Variants in PRR16 observed in about 807,000 individuals in gnomAD.
PRR16 encodes protein Largen.
In PRR16, 6 loss-of-function variants were observed where a neutral mutation model predicts 18.2. The ratio of observed to expected loss-of-function variants is 0.33; its 90% CI spans 0.18 to 0.65. The LOEUF is 0.65. Among genes scored for constraint, PRR16 ranks in the 30% least tolerant of loss-of-function variants. PRR16 has a pLI of 0.74. For missense variants in PRR16, 412 were observed against 376.6 expected (o/e 1.09, Z -0.78); for synonymous variants, 151 against 147.8 (o/e 1.02, Z -0.16).
At chr5:120,633,972 C>T (rs1189911411) in intron 1 of PRR16, among the ~76,000 whole-genome samples, 1 of 152,110 alleles carries the variant, frequency 6.6e-6, no homozygotes, top group African/African-American at 2.4e-5. Flanking sequence ...TTCTACCCAA[C>T]AATTGCAGAA....
At chr5:120,479,811 T>A (rs1749552559) in intron 1 of PRR16, among the ~76,000 whole-genome samples, 1 of 152,094 alleles carries the variant, frequency 6.6e-6, no homozygotes, top group Non-Finnish European at 1.5e-5. Context: ...TGCCCCATAG[T>A]TTTTAAGTAA....
At chr5:120,516,132 C>A (rs144775830) in intron 1 of PRR16, among the ~76,000 whole-genome samples, 52 of 152,052 alleles carry the variant, frequency 3.4e-4, no homozygotes, top group African/African-American at 8.7e-4. Context: ...CCAAACCAAA[C>A]CAAAACAAAA....
At chr5:120,519,526 A>G (rs958621790) in intron 1 of PRR16, among the ~76,000 whole-genome samples, 2 of 152,200 alleles carry the variant, frequency 1.3e-5, no homozygotes, top group Admixed American at 6.5e-5. Flanking sequence ...TACTTCAAAT[A>G]TGAAGCTTTT....
the PRR16 span, among the ~76,000 whole-genome samples, chr5:120,740,194 G>C: frequency 6.6e-6 from 1 of 152,116 alleles, no homozygotes; most frequent in African/African-American, 2.4e-5. Context: ...AGCAGAAATG[G>C]TGCCCTGGTT....
chr5:120,792,992 A>G, the PRR16 span, among the ~76,000 whole-genome samples: 1 of 152,260 alleles, frequency 6.6e-6, no homozygotes, highest in African/African-American at 2.4e-5. Flanking sequence ...GTCTCTACAA[A>G]AAATAAAAAA....
At chr5:120,625,395 T>C (rs972354773) in intron 1 of PRR16, among the ~76,000 whole-genome samples, 4 of 152,164 alleles carry the variant, frequency 2.6e-5, no homozygotes, top group South Asian at 2.1e-4. Context: ...AGTGACATAA[T>C]CACAACTCAA....
intron 1 of PRR16, among the ~76,000 whole-genome samples, chr5:120,614,273 C>CT (rs891137232): frequency 5.1e-4 from 77 of 152,242 alleles, no homozygotes; most frequent in African/African-American, 1.8e-3. Flanking sequence ...ATACTGTGGG[C>CT]TTTTTTGTAT....
At chr5:120,466,130 A>G (rs1472910115) in intron 1 of PRR16, among the ~76,000 whole-genome samples, 1 of 152,194 alleles carries the variant, frequency 6.6e-6, no homozygotes, top group Non-Finnish European at 1.5e-5. Flanking sequence ...ATTCAGGGAT[A>G]AAACTTGTTC....
intron 1 of PRR16, among the ~76,000 whole-genome samples, chr5:120,512,865 A>T (rs1750873927): frequency 6.6e-6 from 1 of 152,162 alleles, no homozygotes; most frequent in Non-Finnish European, 1.5e-5. Context: ...AAAGAATAAG[A>T]CAGCATGACG....
chr5:120,751,773 C>T, the PRR16 span, among the ~76,000 whole-genome samples: 1 of 152,046 alleles, frequency 6.6e-6, no homozygotes, highest in African/African-American at 2.4e-5. Context: ...AATCTCATTT[C>T]ACTATCAGGA....
intron 1 of PRR16, among the ~76,000 whole-genome samples, chr5:120,485,255 T>C (rs895992346): frequency 6.6e-6 from 1 of 152,208 alleles, no homozygotes; most frequent in Admixed American, 6.5e-5. Flanking sequence ...TATATAATAA[T>C]TGAGCTTTTG....
intron 1 of PRR16, among the ~76,000 whole-genome samples, chr5:120,613,213 G>A (rs1754390549): frequency 6.6e-6 from 1 of 152,028 alleles, no homozygotes; most frequent in African/African-American, 2.4e-5. Context: ...CAAGGGTTGT[G>A]TTTGTTATTT....
At chr5:120,730,770 T>G in the PRR16 span, among the ~76,000 whole-genome samples, 1 of 152,176 alleles carries the variant, frequency 6.6e-6, no homozygotes, top group Non-Finnish European at 1.5e-5. Flanking sequence ...ACTGATCAAA[T>G]AGAGAGTCAA....
intron 1 of PRR16, among the ~76,000 whole-genome samples, chr5:120,610,580 G>C (rs1323629700): frequency 6.6e-6 from 1 of 151,942 alleles, no homozygotes; most frequent in Non-Finnish European, 1.5e-5. Flanking sequence ...TAGTGAATAA[G>C]AGATCACGAG....
the PRR16 span, among the ~76,000 whole-genome samples, chr5:120,714,327 T>C: frequency 6.6e-6 from 1 of 152,156 alleles, no homozygotes; most frequent in African/African-American, 2.4e-5. Context: ...TTTGCCAACA[T>C]TGACTTGGAG....
intron 1 of PRR16, among the ~76,000 whole-genome samples, chr5:120,605,564 G>A (rs995849372): frequency 2.0e-5 from 3 of 152,186 alleles, no homozygotes; most frequent in African/African-American, 7.2e-5. Flanking sequence ...CACAGCTAGT[G>A]TGGTCACGTG....
chr5:120,593,815 G>T (rs1341481461), intron 1 of PRR16, among the ~76,000 whole-genome samples: 1 of 151,966 alleles, frequency 6.6e-6, no homozygotes, highest in Non-Finnish European at 1.5e-5. Flanking sequence ...CAATAAAATA[G>T]GCTTTATCCC....
the PRR16 span, among the ~76,000 whole-genome samples, chr5:120,756,191 A>C: frequency 1.3e-5 from 2 of 152,162 alleles, no homozygotes; most frequent in African/African-American, 4.8e-5. Context: ...GATTGTTTGC[A>C]GTAGGGGACC....
chr5:120,524,903 T>A (rs1395092049), intron 1 of PRR16, among the ~76,000 whole-genome samples: 1 of 152,136 alleles, frequency 6.6e-6, no homozygotes, highest in Non-Finnish European at 1.5e-5. Context: ...TAACCATTTT[T>A]TACTGTATTG....
Sources: allele counts gnomAD v4.1 joint callset (sites outside exome capture counted in the v4.1 genomes callset), GRCh38; gene constraint gnomAD v4.1.1; transcripts MANE v1.5; gene names NCBI Gene and HGNC (gene_info 2026-07-23, HGNC 2026-07-21).